FGF14: variants seen among roughly 807,000 people sequenced by gnomAD.
FGF14 encodes the protein fibroblast growth factor homologous factor 4.
FGF14 carries 5 observed loss-of-function variants against 25.5 expected under a neutral mutation model. The observed-to-expected ratio is 0.20, with a 90% CI of 0.10 to 0.41. The LOEUF is 0.41. Ranked by LOEUF, FGF14 falls within the 10% of genes least tolerant of loss-of-function variation. The pLI is 1.00. For missense variants in FGF14, 222 were observed against 320.1 expected (o/e 0.69, Z 2.34); for synonymous variants, 138 against 118.3 (o/e 1.17, Z -1.08).
chr13:101,831,536 A>G, intron 3 of FGF14, among the ~76,000 whole-genome samples: 1 of 152,126 alleles, frequency 6.6e-6, no homozygotes, highest in East Asian at 1.9e-4. Context: ...ATTCAGGAAG[A>G]TTCTGTAGCT....
At chr13:101,815,124 T>C (rs2041777377) in intron 3 of FGF14, among the ~76,000 whole-genome samples, 1 of 152,184 alleles carries the variant, frequency 6.6e-6, no homozygotes, top group Non-Finnish European at 1.5e-5. Context: ...AGAATGACGT[T>C]CCTACTAGAA....
chr13:102,101,687 A>T (rs564188460), intron 1 of FGF14, among the ~76,000 whole-genome samples: 15 of 152,050 alleles, frequency 9.9e-5, no homozygotes, highest in Non-Finnish European at 1.9e-4. Flanking sequence ...AATGCTCAAC[A>T]TTCTATCAGT....
intron 1 of FGF14, among the ~76,000 whole-genome samples, chr13:102,216,804 T>G (rs761698478): frequency 4.6e-4 from 70 of 152,002 alleles, no homozygotes; most frequent in Non-Finnish European, 8.5e-4. Flanking sequence ...TTCACCATCC[T>G]CTTCCTCCCC....
intron 1 of FGF14, among the ~76,000 whole-genome samples, chr13:102,167,551 G>A (rs1363361297): frequency 6.6e-6 from 1 of 151,942 alleles, no homozygotes; most frequent in Non-Finnish European, 1.5e-5. Flanking sequence ...AACCCACTGG[G>A]TATAGGAAGT....
At chr13:102,186,441 G>T (rs2048878032) in intron 1 of FGF14, among the ~76,000 whole-genome samples, 2 of 151,968 alleles carry the variant, frequency 1.3e-5, no homozygotes, top group African/African-American at 4.8e-5. Context: ...TATCCTCATG[G>T]TCCTTTTACA....
chr13:102,397,176 A>G (rs568076461), intron 1 of FGF14, among the ~76,000 whole-genome samples: 2 of 152,210 alleles, frequency 1.3e-5, no homozygotes, highest in East Asian at 1.9e-4. Flanking sequence ...CTCTCTTCCT[A>G]TTTTCTCACT....
chr13:101,738,178 A>G (rs1422061314), intron 3 of FGF14, among the ~76,000 whole-genome samples: 1 of 152,206 alleles, frequency 6.6e-6, no homozygotes, highest in East Asian at 1.9e-4. Context: ...TGTGTCTTAG[A>G]GGACATAATA....
At chr13:102,250,196 T>A in intron 1 of FGF14, among the ~76,000 whole-genome samples, 1 of 152,090 alleles carries the variant, frequency 6.6e-6, no homozygotes, top group East Asian at 1.9e-4. Flanking sequence ...CCTAGCCTCT[T>A]ACCTACACTG....
intron 1 of FGF14, among the ~76,000 whole-genome samples, chr13:102,210,900 T>C (rs1438998164): frequency 1.3e-5 from 2 of 152,146 alleles, no homozygotes; most frequent in Non-Finnish European, 2.9e-5. Flanking sequence ...GTCTCAATTG[T>C]AGCGTAAGCC....
chr13:101,755,239 GAATAA>G (rs1336922880), intron 3 of FGF14, among the ~76,000 whole-genome samples: 3 of 152,182 alleles, frequency 2.0e-5, no homozygotes, highest in African/African-American at 7.2e-5. Context: ...CATAACATAA[GAATAA>G]AATAATTCTC....
At chr13:102,062,776 A>G (rs954034700) in intron 1 of FGF14, among the ~76,000 whole-genome samples, 3 of 152,196 alleles carry the variant, frequency 2.0e-5, no homozygotes, top group African/African-American at 7.2e-5. Context: ...CTTTCAGACC[A>G]TTATGGAATA....
chr13:101,952,361 G>A (rs1045948648), intron 1 of FGF14, among the ~76,000 whole-genome samples: 1 of 148,796 alleles, frequency 6.7e-6, no homozygotes, highest in African/African-American at 2.5e-5. Context: ...TCTAGATCCT[G>A]TTTTTCTTTT....
At chr13:102,057,852 G>A (rs528077122) in intron 1 of FGF14, among the ~76,000 whole-genome samples, 1 of 152,248 alleles carries the variant, frequency 6.6e-6, no homozygotes, top group African/African-American at 2.4e-5. Context: ...TAGACCTTGG[G>A]TTAATTCTTG....
chr13:101,997,363 T>C (rs1349302573), intron 1 of FGF14, among the ~76,000 whole-genome samples: 5 of 152,236 alleles, frequency 3.3e-5, no homozygotes, highest in Admixed American at 6.5e-5. Context: ...AGTTTTCAAG[T>C]TGATTGGTTA....
At chr13:102,059,723 C>T (rs1029302809) in intron 1 of FGF14, among the ~76,000 whole-genome samples, 2 of 151,972 alleles carry the variant, frequency 1.3e-5, no homozygotes, top group African/African-American at 4.8e-5. Flanking sequence ...TGGTTCTGCA[C>T]GCCTGTAGCC....
intron 3 of FGF14, among the ~76,000 whole-genome samples, chr13:101,767,317 C>T (rs1428666792): frequency 6.6e-6 from 1 of 152,108 alleles, no homozygotes; most frequent in Non-Finnish European, 1.5e-5. Flanking sequence ...GTGCCAGCCT[C>T]CAGAGATTCT....
chr13:101,837,208 G>C (rs2042969042), intron 3 of FGF14, among the ~76,000 whole-genome samples: 2 of 151,770 alleles, frequency 1.3e-5, no homozygotes, highest in African/African-American at 4.8e-5. Flanking sequence ...GTGTGTATTT[G>C]TGTGCCATCT....
intron 1 of FGF14, among the ~76,000 whole-genome samples, chr13:101,946,638 CA>C (rs2035827081): frequency 7.2e-5 from 11 of 152,256 alleles, no homozygotes; most frequent in African/African-American, 2.6e-4. Flanking sequence ...ATGACTACAG[CA>C]ACTTCTGGCA....
intron 3 of FGF14, among the ~76,000 whole-genome samples, chr13:101,797,442 A>C (rs1450982363): frequency 6.6e-6 from 1 of 152,092 alleles, no homozygotes; most frequent in East Asian, 1.9e-4. Flanking sequence ...GCACATAAAC[A>C]GGGGTCAATT....
Sources: allele counts gnomAD v4.1 joint callset (sites outside exome capture counted in the v4.1 genomes callset), GRCh38; gene constraint gnomAD v4.1.1; transcripts MANE v1.5; gene names NCBI Gene and HGNC (gene_info 2026-07-23, HGNC 2026-07-21).